Variants in NFATC1 observed in about 807,000 individuals in gnomAD.
The protein encoded by NFATC1 is nuclear factor of activated T-cells, cytoplasmic 1.
In NFATC1, 22 loss-of-function variants were observed where a neutral mutation model predicts 76.0. The observed-to-expected ratio is 0.29, with a 90% CI of 0.21 to 0.41. The LOEUF (loss-of-function observed/expected upper bound fraction) is 0.41. Among genes scored for constraint, NFATC1 ranks in the 10% least tolerant of loss-of-function variants. The pLI is 1.00. For missense variants in NFATC1, 1,357 were observed against 1,337.7 expected, an observed-to-expected ratio of 1.01 and a Z score of -0.23; for synonymous variants, 704 against 613.1, an observed-to-expected ratio of 1.15 and a Z score of -2.19.
chr18:79,402,108 G>A (rs754550651), intron 1 of NFATC1, among the ~76,000 whole-genome samples: 36 of 152,240 alleles, frequency 2.4e-4, no homozygotes, highest in South Asian at 4.1e-4. Context: ...GGCCACTTCC[G>A]TGCCTCCGTG....
chr18:79,401,722 G>A (rs1276063947), intron 1 of NFATC1, among the ~76,000 whole-genome samples: 1 of 152,232 alleles, frequency 6.6e-6, no homozygotes, highest in East Asian at 1.9e-4. Context: ...TGGCCACCAG[G>A]GTGGCCCCTC....
At chr18:79,426,409 G>T (rs1309191001) in intron 2 of NFATC1, among the ~76,000 whole-genome samples, 1 of 152,208 alleles carries the variant, frequency 6.6e-6, no homozygotes, top group Non-Finnish European at 1.5e-5. Context: ...GGCCACGGGG[G>T]CCACTGTCCT....
intron 3 of NFATC1, among the ~76,000 whole-genome samples, chr18:79,435,566 C>T (rs1421475824): frequency 3.3e-5 from 5 of 152,040 alleles, no homozygotes; most frequent in Admixed American, 6.5e-5. Context: ...CCCGTCTCTG[C>T]GGACACAGCT....
At chr18:79,520,576 T>TG (rs2090499602) in intron 9 of NFATC1, among the ~76,000 whole-genome samples, 1 of 108,248 alleles carries the variant, frequency 9.2e-6, no homozygotes, top group East Asian at 3.1e-4. Context: ...TCCGTGTGTG[T>TG]GGGGGCATCC....
intron 9 of NFATC1, among the ~76,000 whole-genome samples, chr18:79,514,508 G>A (rs1246728498): frequency 7.0e-6 from 1 of 143,804 alleles, no homozygotes; most frequent in East Asian, 2.1e-4. Context: ...CAAGGCTGCA[G>A]TGAGCTGTGA....
chr18:79,451,136 C>T lies in NFATC1; in HGVS notation c.1762+10C>T, dbSNP rs1269580686. 10 of 1,601,882 alleles carry T rather than the reference C, an allele frequency of 6.2e-6. No individual in the cohort carries two copies. Among genetic ancestry groups the T allele is most frequent in the Admixed American group, 5.1e-5 (3 of 59,388 alleles). On this transcript the variant is annotated intron_variant, in intron 5 of 9. Coordinates refer to ENST00000427363, the MANE Select transcript of NFATC1 (RefSeq NM_001278669.2). ...AACCCCATCGAATGCTGTAAGTGGA[C>T]GTCCACGCGCCCACAGGGGAGGAAA...
intron 9 of NFATC1, chr18:79,527,127 A>G (rs2090788225): frequency 5.9e-6 from 1 of 170,404 alleles, no homozygotes; most frequent in Non-Finnish European, 1.3e-5. Flanking sequence ...GGAAATAAAA[A>G]TCAGGAAGAG....
intron 8 of NFATC1, among the ~76,000 whole-genome samples, chr18:79,483,220 G>C (rs1343318481): frequency 7.6e-6 from 1 of 131,662 alleles, no homozygotes; most frequent in East Asian, 2.2e-4. Context: ...TGTAATTCCA[G>C]CGTGACCTGG....
chr18:79,473,491 A>G (rs577423584), intron 8 of NFATC1, among the ~76,000 whole-genome samples: 4 of 149,724 alleles, frequency 2.7e-5, no homozygotes, highest in Admixed American at 6.6e-5. Flanking sequence ...GCGTGTTCTC[A>G]CGCTCACTAT....
chr18:79,480,405 G>A (rs1385541215), intron 8 of NFATC1, among the ~76,000 whole-genome samples: 1 of 152,012 alleles, frequency 6.6e-6, no homozygotes, highest in Non-Finnish European at 1.5e-5. Flanking sequence ...CCCTGGGGGT[G>A]GTGGATGCAT....
At chr18:79,449,309 A>C (rs954428374) in intron 4 of NFATC1, among the ~76,000 whole-genome samples, 2 of 152,256 alleles carry the variant, frequency 1.3e-5, no homozygotes, top group African/African-American at 4.8e-5. Context: ...AAACGTGAGC[A>C]TCAAAAAATT....
chr18:79,437,783 G>A (rs903696673), intron 3 of NFATC1, among the ~76,000 whole-genome samples: 1 of 152,214 alleles, frequency 6.6e-6, no homozygotes. Flanking sequence ...TGCTCTCAAC[G>A]GAGCTGGAAC....
intron 9 of NFATC1, among the ~76,000 whole-genome samples, chr18:79,498,908 T>C (rs982568535): frequency 6.6e-6 from 1 of 152,230 alleles, no homozygotes; most frequent in Non-Finnish European, 1.5e-5. Context: ...CCAAGAATTC[T>C]ATATCTAGTA....
At chr18:79,441,657 G>A (rs2144718505) in intron 3 of NFATC1, among the ~76,000 whole-genome samples, 1 of 152,234 alleles carries the variant, frequency 6.6e-6, no homozygotes, top group Middle Eastern at 3.4e-3. Flanking sequence ...CAAATGACAA[G>A]CGCTCCTGCC....
At chr18:79,483,741 T>TGTCACTCCAGCGTGACCTGGTCCTGGGGC (rs2089403517) in intron 8 of NFATC1, among the ~76,000 whole-genome samples, 1 of 134,756 alleles carries the variant, frequency 7.4e-6, no homozygotes, top group Non-Finnish European at 1.6e-5. Context: ...GGTCCTGGGG[T>TGTCACTCCAGCGTGACCTGGTCCTGGGGC]GTCACTCCAG....
chr18:79,481,960 G>C (rs1167758482), intron 8 of NFATC1, among the ~76,000 whole-genome samples: 6 of 136,796 alleles, frequency 4.4e-5, no homozygotes, highest in East Asian at 2.2e-4. Flanking sequence ...AGCATGACCT[G>C]GTTCCTGGGG....
intron 9 of NFATC1, among the ~76,000 whole-genome samples, chr18:79,522,664 G>A (rs1348135267): frequency 6.6e-6 from 1 of 152,086 alleles, no homozygotes; most frequent in Non-Finnish European, 1.5e-5. Context: ...CAAGTTCCGG[G>A]CACTGAGCAC....
intron 2 of NFATC1, among the ~76,000 whole-genome samples, chr18:79,432,920 C>T (rs1054069002): frequency 6.6e-6 from 1 of 152,222 alleles, no homozygotes; most frequent in Non-Finnish European, 1.5e-5. Context: ...AGCCCCAGCA[C>T]CTGTCACCCG....
intron 9 of NFATC1, among the ~76,000 whole-genome samples, chr18:79,520,686 T>G (rs112639048): frequency 0.023 from 245 of 10,512 alleles, 10 homozygotes; most frequent in Middle Eastern, 0.05. Flanking sequence ...CTGTGTGTGG[T>G]TGGGGGGCAT....
Sources: allele counts gnomAD v4.1 joint callset (sites outside exome capture counted in the v4.1 genomes callset), GRCh38; gene constraint gnomAD v4.1.1; transcripts MANE v1.5; gene names NCBI Gene and HGNC (gene_info 2026-07-23, HGNC 2026-07-21).